UBE3D: variants seen among roughly 807,000 people sequenced by gnomAD.
UBE3D encodes ubiquitin protein ligase E3D.
A neutral mutation model predicts 49.6 loss-of-function variants in UBE3D; 48 were observed. That is an observed-to-expected ratio of 0.97 (90% CI 0.77 to 1.23). The LOEUF (loss-of-function observed/expected upper bound fraction) is 1.23, where lower values mean the gene tolerates loss of function less well. Among genes scored for constraint, UBE3D ranks in the 50% most tolerant of loss-of-function variants. The probability of loss-of-function intolerance (pLI) is 0.00; values close to 1 mark genes in which losing one functional copy is unlikely to be tolerated. For missense variants in UBE3D, 452 were observed against 468.4 expected (o/e 0.96, Z 0.32); for synonymous variants, 189 against 174.2 (o/e 1.08, Z -0.67).
intron 9 of UBE3D, among the ~76,000 whole-genome samples, chr6:82,943,071 C>A (rs774509809): frequency 4.6e-5 from 7 of 152,248 alleles, no homozygotes; most frequent in Non-Finnish European, 8.8e-5. Flanking sequence ...CTCAGCATGA[C>A]CTGAATGTGA....
intron 4 of UBE3D, among the ~76,000 whole-genome samples, chr6:83,041,235 C>T (rs1782651162): frequency 6.6e-6 from 1 of 152,058 alleles, no homozygotes; most frequent in Admixed American, 6.5e-5. Context: ...ACTGCCATCA[C>T]AGAACATCTC....
chr6:83,046,602 C>T (rs1783051621), intron 3 of UBE3D, among the ~76,000 whole-genome samples: 1 of 126,408 alleles, frequency 7.9e-6, no homozygotes, highest in South Asian at 2.6e-4. Flanking sequence ...TATAGACCTA[C>T]AAACAAATAA....
chr6:82,969,063 G>A (rs1284583579), intron 8 of UBE3D, among the ~76,000 whole-genome samples: 3 of 152,154 alleles, frequency 2.0e-5, no homozygotes, highest in East Asian at 3.9e-4. Context: ...ATTGATTAAC[G>A]CTTTCTTGTA....
rs548876458 is a variant in UBE3D at position 83,029,722 on chromosome 6, T to G, written c.668-5684A>C. On this transcript the variant is annotated intron_variant, in intron 5 of 9. Transcript: ENST00000369747. Reference sequence around the variant, plus strand: ...GGATTTTGTGTTGCTCTTCTGAAGGTTGTTGGTTATTGGTTGGGATAGCAG... The same window carrying G: ...GGATTTTGTGTTGCTCTTCTGAAGGGTGTTGGTTATTGGTTGGGATAGCAG... Among the ~76,000 whole-genome samples, 10 of 152,226 alleles carry G rather than the reference T, an allele frequency of 6.6e-5. 1 individual carries two copies. The South Asian group carries it at 2.1e-3, about 32-fold the overall frequency.
chr6:82,922,681 A>G, intron 9 of UBE3D, among the ~76,000 whole-genome samples: 1 of 57,922 alleles, frequency 1.7e-5, no homozygotes, highest in Non-Finnish European at 4.1e-5. Flanking sequence ...CTAAAACACC[A>G]AAAGCAATGG....
At chr6:82,926,988 C>A (rs1300054860) in intron 9 of UBE3D, among the ~76,000 whole-genome samples, 1 of 152,046 alleles carries the variant, frequency 6.6e-6, no homozygotes, top group Admixed American at 6.6e-5. Flanking sequence ...TGGTATTTTA[C>A]ATTGAGGTCT....
chr6:82,881,714 T>C, the UBE3D span, among the ~76,000 whole-genome samples: 1 of 152,174 alleles, frequency 6.6e-6, no homozygotes, highest in East Asian at 1.9e-4. Context: ...AGGCTATAGA[T>C]AGCACTGTGA....
intron 6 of UBE3D, among the ~76,000 whole-genome samples, chr6:83,023,185 T>A (rs1334726020): frequency 6.6e-6 from 1 of 152,048 alleles, no homozygotes; most frequent in Non-Finnish European, 1.5e-5. Flanking sequence ...AACATAGGAG[T>A]CATTTGAAAC....
chr6:83,062,803 G>T (rs1259379004), intron 1 of UBE3D, among the ~76,000 whole-genome samples: 1 of 152,168 alleles, frequency 6.6e-6, no homozygotes, highest in Non-Finnish European at 1.5e-5. Flanking sequence ...GATTTCTCAT[G>T]AAGACTGAGT....
At chr6:82,912,283 C>T (rs920527672) in intron 9 of UBE3D, among the ~76,000 whole-genome samples, 1 of 151,976 alleles carries the variant, frequency 6.6e-6, no homozygotes, top group Admixed American at 6.6e-5. Flanking sequence ...TAATGACCTT[C>T]GAGCTTAGTC....
intron 8 of UBE3D, among the ~76,000 whole-genome samples, chr6:82,972,018 T>C (rs1777388176): frequency 6.6e-6 from 1 of 152,136 alleles, no homozygotes; most frequent in African/African-American, 2.4e-5. Flanking sequence ...AGACCAGAGA[T>C]AGATGGTGAA....
intron 9 of UBE3D, among the ~76,000 whole-genome samples, chr6:82,921,092 G>C (rs1773300676): frequency 6.6e-6 from 1 of 151,828 alleles, no homozygotes; most frequent in African/African-American, 2.4e-5. Context: ...AGTAGCTGGG[G>C]CTACAGGTGC....
intron 9 of UBE3D, among the ~76,000 whole-genome samples, chr6:82,920,768 C>T (rs1773272777): frequency 6.6e-6 from 1 of 152,068 alleles, no homozygotes; most frequent in African/African-American, 2.4e-5. Context: ...TTGAGGTTGA[C>T]CTATATATGT....
chr6:83,045,144 A>C (rs143714850), intron 3 of UBE3D, among the ~76,000 whole-genome samples: 4 of 152,302 alleles, frequency 2.6e-5, no homozygotes, highest in African/African-American at 9.6e-5. Flanking sequence ...TAGAATATTT[A>C]TGAACATATC....
chr6:83,021,868 CA>C (rs1026025355), intron 7 of UBE3D, among the ~76,000 whole-genome samples: 24 of 139,610 alleles, frequency 1.7e-4, no homozygotes, highest in Admixed American at 3.6e-4. Context: ...TACTCCATCT[CA>C]AAAAAAAAAC....
intron 2 of UBE3D, among the ~76,000 whole-genome samples, chr6:83,054,796 G>A (rs1783707950): frequency 1.3e-5 from 2 of 152,028 alleles, no homozygotes; most frequent in Admixed American, 1.3e-4. Flanking sequence ...GATTACAGGC[G>A]CCCATCACCA....
At chr6:83,003,928 A>G (rs1422140909) in intron 8 of UBE3D, among the ~76,000 whole-genome samples, 1 of 152,216 alleles carries the variant, frequency 6.6e-6, no homozygotes, top group Non-Finnish European at 1.5e-5. Flanking sequence ...CATTTTGGTG[A>G]TAATACTAAC....
At chr6:82,997,684 A>G (rs1382821979) in intron 8 of UBE3D, among the ~76,000 whole-genome samples, 4 of 152,216 alleles carry the variant, frequency 2.6e-5, no homozygotes, top group Admixed American at 2.6e-4. Context: ...GTGCCACTGC[A>G]TTCCAGCCTG....
At position 82,973,551 on chromosome 6, in the gene UBE3D, T is replaced by TA. The variant is rs1487569051; in HGVS notation, c.1011-16102dup. Among the ~76,000 whole-genome samples the TA allele has an allele frequency of 1.3e-4, 16 of 126,648 alleles. No individual in the cohort carries two copies. In the East Asian group the frequency reaches 3.7e-3, roughly 30 times the overall value. 83.1% of individuals were successfully genotyped at this position (126,648 alleles called of 152,430 possible). A position where few individuals can be genotyped will look rare whatever the true frequency, so the allele number is the denominator to read the frequency against. ...ACTTCCGAAGGCCACTATTTTTTAT[T>TA]AAAAATGATAGAATTCTTAGCTTCT... On this transcript the variant is annotated intron_variant, in intron 8 of 9. Coordinates refer to ENST00000369747, the MANE Select transcript of UBE3D (RefSeq NM_198920.3).
Sources: allele counts gnomAD v4.1 joint callset (sites outside exome capture counted in the v4.1 genomes callset), GRCh38; gene constraint gnomAD v4.1.1; transcripts MANE v1.5; gene names NCBI Gene and HGNC (gene_info 2026-07-23, HGNC 2026-07-21).